Variants in CACNA2D1 observed in about 807,000 individuals in gnomAD.
The protein encoded by CACNA2D1 is voltage-dependent calcium channel subunit alpha-2/delta-1.
Under a neutral mutation model 171.5 loss-of-function variants are expected in CACNA2D1, and 53 were observed. That is an observed-to-expected ratio of 0.31 (90% confidence interval 0.25 to 0.39). The LOEUF (loss-of-function observed/expected upper bound fraction) is 0.39, where lower values mean the gene tolerates loss of function less well. Ranked by LOEUF, CACNA2D1 falls within the 10% of genes least tolerant of loss-of-function variation. CACNA2D1 has a pLI of 1.00. For synonymous variants in CACNA2D1, 442 were observed against 443.1 expected (o/e 1.00, Z 0.03); for missense variants, 903 against 1,299.8 (o/e 0.69, Z 4.69).
At chr7:82,392,963 G>A (rs1825306960) in intron 1 of CACNA2D1, among the ~76,000 whole-genome samples, 1 of 151,026 alleles carries the variant, frequency 6.6e-6, no homozygotes, top group Non-Finnish European at 1.5e-5. Context: ...TTGCACACAG[G>A]TTATAGGTAA....
intron 1 of CACNA2D1, among the ~76,000 whole-genome samples, chr7:82,364,914 A>G (rs1252268467): frequency 1.3e-5 from 2 of 152,210 alleles, no homozygotes; most frequent in Non-Finnish European, 2.9e-5. Context: ...CCTCTTCAGT[A>G]GAGACATTCA....
chr7:82,398,748 T>G (rs778822776), intron 1 of CACNA2D1, among the ~76,000 whole-genome samples: 104 of 152,076 alleles, frequency 6.8e-4, no homozygotes, highest in Non-Finnish European at 1.3e-3. Context: ...GGCTATTTTT[T>G]AAAATTTTTT....
At chr7:82,044,403 T>G (rs1333517044) in intron 10 of CACNA2D1, among the ~76,000 whole-genome samples, 1 of 152,192 alleles carries the variant, frequency 6.6e-6, no homozygotes, top group African/African-American at 2.4e-5. Context: ...TTTCTCTATT[T>G]CTGGCATGTA....
chr7:82,383,087 T>G (rs975056487), intron 1 of CACNA2D1, among the ~76,000 whole-genome samples: 6 of 152,138 alleles, frequency 3.9e-5, no homozygotes, highest in African/African-American at 1.2e-4. Context: ...CAGCAGAAAT[T>G]TTAAAATAAA....
chr7:81,999,370 C>A (rs1562846340), intron 18 of CACNA2D1, among the ~76,000 whole-genome samples: 1 of 152,168 alleles, frequency 6.6e-6, no homozygotes, highest in Non-Finnish European at 1.5e-5. Context: ...AATATAGTCT[C>A]TGCACACCCA....
intron 3 of CACNA2D1, among the ~76,000 whole-genome samples, chr7:82,240,261 C>T (rs914003571): frequency 6.6e-6 from 1 of 152,112 alleles, no homozygotes; most frequent in Non-Finnish European, 1.5e-5. Flanking sequence ...CACTACTGAA[C>T]TCATAAGTTT....
chr7:81,953,929 T>TGTCTGTTTCTATTTGGGAGGTGGTAG (rs1792904520), intron 38 of CACNA2D1, among the ~76,000 whole-genome samples: 1 of 152,164 alleles, frequency 6.6e-6, no homozygotes, highest in Non-Finnish European at 1.5e-5. Context: ...TGATGAGATA[T>TGTCTGTTTCTATTTGGGAGGTGGTAG]GTCTGTTTCT....
At chr7:82,240,441 T>C (rs946721513) in intron 3 of CACNA2D1, among the ~76,000 whole-genome samples, 2 of 152,238 alleles carry the variant, frequency 1.3e-5, no homozygotes, top group African/African-American at 2.4e-5. Context: ...AAATCTATTA[T>C]GTGAGTTTAA....
intron 7 of CACNA2D1, among the ~76,000 whole-genome samples, chr7:82,081,252 T>G (rs1809729588): frequency 6.6e-6 from 1 of 152,220 alleles, no homozygotes; most frequent in Admixed American, 6.5e-5. Context: ...ATTATTTTGC[T>G]TCTATCAAAA....
chr7:82,207,908 G>T (rs549085617), intron 3 of CACNA2D1, among the ~76,000 whole-genome samples: 131 of 152,248 alleles, frequency 8.6e-4, no homozygotes, highest in African/African-American at 3.0e-3. Context: ...GCTATAGAGG[G>T]TATACAAAAC....
At chr7:82,082,041 G>T (rs1809846020) in intron 7 of CACNA2D1, among the ~76,000 whole-genome samples, 1 of 152,184 alleles carries the variant, frequency 6.6e-6, no homozygotes, top group Admixed American at 6.5e-5. Context: ...CCTGAAGCAT[G>T]TGTTACAGCA....
intron 32 of CACNA2D1, among the ~76,000 whole-genome samples, chr7:81,964,963 G>A (rs1282354063): frequency 6.6e-6 from 1 of 151,814 alleles, no homozygotes; most frequent in African/African-American, 2.4e-5. Context: ...TGGAAAAGTG[G>A]CATAAATGAG....
At position 82,146,423 on chromosome 7, in the gene CACNA2D1, CATATACATATTTATATTTAT is replaced by C. The variant is rs1366638986; in HGVS notation, c.355-9767_355-9748del. ...AGATATATATTTATATATATCTTTA[CATATACATATTTATATTTAT>C]ATATATAAAGATATATATAAATATA... On this transcript the variant is annotated intron_variant, in intron 4 of 38. Coordinates refer to ENST00000356860, the MANE Select transcript of CACNA2D1 (RefSeq NM_000722.4). Among the ~76,000 whole-genome samples, 583 of 121,420 alleles carry C rather than the reference CATATACATATTTATATTTAT, an allele frequency of 4.8e-3. 4 individuals carry two copies. The highest frequency in any genetic ancestry group is 0.011 in the Middle Eastern group (2 of 178). The allele number at this position is 121,420 out of a possible 152,430, so 79.7% of individuals were successfully genotyped here.
chr7:82,095,560 T>G lies in CACNA2D1; in HGVS notation c.527-10660A>C, dbSNP rs146364423. 2.7e-3 allele frequency among the ~76,000 whole-genome samples: 413 copies of G among 152,286 alleles called. 1 individual carries two copies. Among genetic ancestry groups the G allele is most frequent in the African/African-American group, 9.0e-3 (374 of 41,560 alleles). ...GGAATGAGGTGGAGAAAACATTATG[T>G]ACAATAGCTAGGGTTGTGAAAATTA... On this transcript the variant is annotated intron_variant, in intron 6 of 38. Transcript: ENST00000356860.
At chr7:82,140,954 T>TTAAAAAAAAAAAAAAAAA (rs1368347851) in intron 4 of CACNA2D1, among the ~76,000 whole-genome samples, 1 of 91,814 alleles carries the variant, frequency 1.1e-5, no homozygotes, top group African/African-American at 5.1e-5. Context: ...GACTCGTCTC[T>TTAAAAAAAAAAAAAAAAA]AAAAAAAAAA....
At chr7:82,287,910 AAGCT>A (rs1298909283) in intron 3 of CACNA2D1, among the ~76,000 whole-genome samples, 2 of 151,484 alleles carry the variant, frequency 1.3e-5, no homozygotes, top group East Asian at 3.9e-4. Context: ...TGCGATCTGC[AAGCT>A]CCGCCTCCCG....
intron 7 of CACNA2D1, among the ~76,000 whole-genome samples, chr7:82,073,677 T>G (rs915460335): frequency 1.5e-4 from 23 of 152,178 alleles, no homozygotes; most frequent in African/African-American, 5.6e-4. Context: ...CTTGGCTCAT[T>G]TGAACCTCTG....
intron 3 of CACNA2D1, among the ~76,000 whole-genome samples, chr7:82,198,420 C>T (rs1259127426): frequency 6.6e-6 from 1 of 152,074 alleles, no homozygotes; most frequent in East Asian, 1.9e-4. Flanking sequence ...TTGTGAGCTA[C>T]AGGGCTCGAA....
intron 3 of CACNA2D1, among the ~76,000 whole-genome samples, chr7:82,318,918 G>C (rs1001872276): frequency 6.6e-6 from 1 of 152,138 alleles, no homozygotes; most frequent in Non-Finnish European, 1.5e-5. Flanking sequence ...AGAAGTCAGA[G>C]AAAAGAGAAT....
Sources: allele counts gnomAD v4.1 joint callset (sites outside exome capture counted in the v4.1 genomes callset), GRCh38; gene constraint gnomAD v4.1.1; transcripts MANE v1.5; gene names NCBI Gene and HGNC (gene_info 2026-07-23, HGNC 2026-07-21).